MAPT: variants seen among roughly 807,000 people sequenced by gnomAD.
MAPT encodes the protein microtubule associated protein tau.
Under a neutral mutation model 67.9 loss-of-function variants are expected in MAPT, and 34 were observed. The ratio of observed to expected loss-of-function variants is 0.50; its 90% CI spans 0.38 to 0.67. The LOEUF is 0.67. MAPT is among the 30% of genes least tolerant of loss of function. MAPT has a pLI of 0.00. For missense variants in MAPT, 881 were observed against 1,115.2 expected (o/e 0.79, Z 2.99); for synonymous variants, 456 against 464.5 (o/e 0.98, Z 0.23).
chr17:46,012,367 G>A (rs1006896472), intron 10 of MAPT, among the ~76,000 whole-genome samples: 7 of 152,218 alleles, frequency 4.6e-5, no homozygotes, highest in African/African-American at 1.7e-4. Flanking sequence ...GCTCGTCTGC[G>A]GGCTAGCCTG....
intron 1 of MAPT, among the ~76,000 whole-genome samples, chr17:45,920,135 C>T (rs1353711913): frequency 6.6e-6 from 1 of 152,228 alleles, no homozygotes; most frequent in Non-Finnish European, 1.5e-5. Flanking sequence ...ACAGGCAGAA[C>T]GTACACAGTC....
chr17:45,911,451 G>A (rs770232069), intron 1 of MAPT, among the ~76,000 whole-genome samples: 2 of 151,470 alleles, frequency 1.3e-5, no homozygotes, highest in Non-Finnish European at 2.9e-5. Context: ...GCGATATAGC[G>A]AGAACCTGTC....
At chr17:46,011,975 C>A (rs1177810664) in intron 10 of MAPT, among the ~76,000 whole-genome samples, 1 of 152,210 alleles carries the variant, frequency 6.6e-6, no homozygotes, top group African/African-American at 2.4e-5. Flanking sequence ...CCACGCCCTG[C>A]TCTCCTGTCC....
intron 1 of MAPT, among the ~76,000 whole-genome samples, chr17:45,934,112 A>G (rs1256921201): frequency 2.0e-5 from 3 of 152,174 alleles, no homozygotes; most frequent in African/African-American, 7.2e-5. Context: ...CTGTAATCCC[A>G]GCACCTTGGG....
Position 46,024,605 on chromosome 17 carries a change from G to A in MAPT, c.*434G>A. The A allele has an allele frequency of 3.8e-6, 1 of 260,998 alleles. No homozygotes were observed. Among genetic ancestry groups the A allele is most frequent in the Non-Finnish European group, 7.5e-6 (1 of 133,670 alleles). 16.2% of individuals were successfully genotyped at this position (260,998 alleles called of 1,614,324 possible). A position where few individuals can be genotyped will look rare whatever the true frequency, so the allele number is the denominator to read the frequency against. On this transcript the variant is annotated 3_prime_UTR_variant, in exon 13 of 13. Transcript: ENST00000262410. ...TGGGGGTGTCACAGAGGCAGTGGCA[G>A]CAACAAAGGATTTGAAACTTGGTGT...
chr17:45,911,011 C>G (rs2064748658), intron 1 of MAPT, among the ~76,000 whole-genome samples: 1 of 152,140 alleles, frequency 6.6e-6, no homozygotes, highest in South Asian at 2.1e-4. Context: ...TTATTTTTTC[C>G]ACATCTAAAG....
chr17:46,002,005 T>C (rs1305995162), intron 9 of MAPT, among the ~76,000 whole-genome samples: 1 of 152,148 alleles, frequency 6.6e-6, no homozygotes, highest in Non-Finnish European at 1.5e-5. Flanking sequence ...TGAAGGAGGA[T>C]AGTGGAACAC....
chr17:45,957,904 G>A (rs1394050861), intron 1 of MAPT, among the ~76,000 whole-genome samples: 1 of 152,012 alleles, frequency 6.6e-6, no homozygotes, highest in Non-Finnish European at 1.5e-5. Flanking sequence ...CTTACAAGAA[G>A]GTCAAATAAT....
chr17:45,938,013 A>C (rs1350526474), intron 1 of MAPT, among the ~76,000 whole-genome samples: 2 of 152,232 alleles, frequency 1.3e-5, no homozygotes, highest in African/African-American at 2.4e-5. Context: ...CAGGTGCGCC[A>C]TCCAGGTCCA....
In MAPT at chr17:45,983,613, AT is replaced by A; in HGVS notation, c.1037del (p.Phe346SerfsTer19). On this transcript the variant is annotated frameshift_variant, in exon 5 of 13. Coordinates refer to ENST00000262410, the MANE Select transcript of MAPT (RefSeq NM_001377265.1). LOFTEE classifies it high-confidence loss of function. ...GAGGGTGCCATCCCCCTCCCTGTGGATTTCCTCTCCAAAGTTTCCACAGAGA... is the reference window on the plus strand; with the variant it reads ...GAGGGTGCCATCCCCCTCCCTGTGGATTCCTCTCCAAAGTTTCCACAGAGA... ...PAEGAIPLPVDFLSKVSTEIP... is the reference protein window; with the variant it reads ...PAEGAIPLPVXFLSKVSTEIP... 2.5e-6 allele frequency: 4 copies of A among 1,613,396 alleles called. No homozygotes were observed. The highest frequency in any genetic ancestry group is 1.1e-5 in the South Asian group (1 of 91,082).
At chr17:46,006,929 AT>A (rs2075471447) in intron 9 of MAPT, among the ~76,000 whole-genome samples, 1 of 150,152 alleles carries the variant, frequency 6.7e-6, no homozygotes, top group Non-Finnish European at 1.5e-5. Context: ...TCTCAAAAAA[AT>A]AAAAATAAAA....
chr17:46,002,788 G>C (rs145469185), intron 9 of MAPT, among the ~76,000 whole-genome samples: 103 of 152,212 alleles, frequency 6.8e-4, no homozygotes, highest in African/African-American at 2.4e-3. Flanking sequence ...GTATTGATTT[G>C]TTTCTCTTTT....
intron 8 of MAPT, 101 bp downstream of exon 8, chr17:45,991,687 G>A: frequency 6.5e-7 from 1 of 1,544,908 alleles, no homozygotes; most frequent in Admixed American, 1.7e-5. Context: ...AATAACCCCT[G>A]GCAGCTGGTC....
chr17:46,019,135 C>T (rs1466234425), intron 12 of MAPT, among the ~76,000 whole-genome samples: 1 of 152,040 alleles, frequency 6.6e-6, no homozygotes. Flanking sequence ...CTGGGGAGGC[C>T]TCAAAATCAT....
At chr17:45,912,706 A>G (rs79860128) in intron 1 of MAPT, among the ~76,000 whole-genome samples, 21,837 of 152,330 alleles carry the variant, frequency 0.14, 2,138 homozygotes, top group Middle Eastern at 0.22. Flanking sequence ...CACAGGAATC[A>G]AAAACAGTAA....
In MAPT at chr17:45,941,701, G is replaced by GCCTT. The variant is rs1555690435; in HGVS notation, c.-17-20617_-17-20616insTCCT. On this transcript the variant is annotated intron_variant, in intron 1 of 12. Transcript: ENST00000262410. Reference sequence around the variant, plus strand: ...TTCCCTCCTTCCTTCCTTCCTTCCTGCCTGCCTTCCTTCCTTCCTTCCTTC... The same window carrying GCCTT: ...TTCCCTCCTTCCTTCCTTCCTTCCTGCCTTCCTGCCTTCCTTCCTTCCTTCCTTC... 5.8e-3 allele frequency among the ~76,000 whole-genome samples: 428 copies of GCCTT among 73,502 alleles called. 11 individuals carry two copies. Among genetic ancestry groups the GCCTT allele is most frequent in the African/African-American group, 0.024 (371 of 15,332 alleles). 48.2% of individuals were successfully genotyped at this position (73,502 alleles called of 152,430 possible).
At chr17:45,985,774 A>G (rs1529534) in intron 5 of MAPT, 200,141 of 973,096 alleles carry the variant, frequency 0.21, 22,142 homozygotes, top group Non-Finnish European at 0.23. Flanking sequence ...GGCTCTTACT[A>G]AAGTGCAGGT....
intron 10 of MAPT, among the ~76,000 whole-genome samples, chr17:46,012,705 C>G (rs143332991): frequency 6.6e-6 from 1 of 152,228 alleles, no homozygotes; most frequent in Non-Finnish European, 1.5e-5. Context: ...CTGGCTCCCA[C>G]TGCCATCCAC....
intron 12 of MAPT, among the ~76,000 whole-genome samples, chr17:46,019,939 G>T (rs2076417072): frequency 6.6e-6 from 1 of 151,088 alleles, no homozygotes; most frequent in African/African-American, 2.4e-5. Flanking sequence ...TTGAACCCAG[G>T]GGACAGAGGT....
Sources: allele counts gnomAD v4.1 joint callset (sites outside exome capture counted in the v4.1 genomes callset), GRCh38; gene constraint gnomAD v4.1.1; transcripts MANE v1.5; gene names NCBI Gene and HGNC (gene_info 2026-07-23, HGNC 2026-07-21).